GADL1: variants seen among roughly 807,000 people sequenced by gnomAD.
The protein encoded by GADL1 is GAD like acidic amino acid decarboxylase 1, also known as acidic amino acid decarboxylase GADL1.
Under a neutral mutation model 69.5 loss-of-function variants are expected in GADL1, and 71 were observed. The observed-to-expected ratio is 1.02, with a 90% CI of 0.84 to 1.25. GADL1 has a LOEUF of 1.25. Among genes scored for constraint, GADL1 ranks in the 50% most tolerant of loss-of-function variants. GADL1 has a pLI of 0.00. For synonymous variants in GADL1, 254 were observed against 214.4 expected, an observed-to-expected ratio of 1.18 and a Z score of -1.62; for missense variants, 737 against 631.8, an observed-to-expected ratio of 1.17 and a Z score of -1.79.
chr3:30,734,667 G>C (rs189560194), intron 14 of GADL1, among the ~76,000 whole-genome samples: 1 of 152,026 alleles, frequency 6.6e-6, no homozygotes, highest in Non-Finnish European at 1.5e-5. Context: ...TGTATTAAAC[G>C]GATAGTTTCA....
chr3:30,754,282 A>ATGC (rs1453658960), intron 14 of GADL1, among the ~76,000 whole-genome samples: 1 of 152,228 alleles, frequency 6.6e-6, no homozygotes, highest in Non-Finnish European at 1.5e-5. Flanking sequence ...GGAGAACCAC[A>ATGC]TGCAAGCCTT....
At chr3:30,866,324 T>C (rs182000295) in intron 1 of GADL1, among the ~76,000 whole-genome samples, 59 of 152,070 alleles carry the variant, frequency 3.9e-4, no homozygotes, top group Middle Eastern at 6.8e-3. Flanking sequence ...CCAGGCATAG[T>C]GGCACACACC....
chr3:30,893,021 A>T (rs959319861), intron 1 of GADL1, among the ~76,000 whole-genome samples: 1 of 152,038 alleles, frequency 6.6e-6, no homozygotes, highest in African/African-American at 2.4e-5. Flanking sequence ...CGCCCGGCTA[A>T]TTTTTTGTAT....
intron 14 of GADL1, among the ~76,000 whole-genome samples, chr3:30,761,089 C>CAT (rs556139271): frequency 1.3e-5 from 2 of 152,196 alleles, no homozygotes; most frequent in African/African-American, 4.8e-5. Flanking sequence ...TATCGGGTTT[C>CAT]ATATAGGCAT....
intron 11 of GADL1, among the ~76,000 whole-genome samples, chr3:30,805,098 C>CTA (rs1442145575): frequency 6.6e-6 from 1 of 152,202 alleles, no homozygotes; most frequent in Non-Finnish European, 1.5e-5. Flanking sequence ...ATGACCAGAG[C>CTA]TAACATTTAT....
At chr3:30,783,251 T>C (rs1314806015) in intron 13 of GADL1, among the ~76,000 whole-genome samples, 1 of 151,996 alleles carries the variant, frequency 6.6e-6, no homozygotes, top group Non-Finnish European at 1.5e-5. Flanking sequence ...TCCCAAGAGA[T>C]AAAAAATAAA....
intron 1 of GADL1, among the ~76,000 whole-genome samples, chr3:30,891,187 C>T (rs1225288258): frequency 5.9e-5 from 9 of 152,066 alleles, no homozygotes; most frequent in Admixed American, 2.0e-4. Context: ...AAGAGAAGGG[C>T]TGTTATAGAG....
intron 1 of GADL1, among the ~76,000 whole-genome samples, chr3:30,871,647 T>A (rs79592797): frequency 6.6e-6 from 1 of 151,896 alleles, no homozygotes; most frequent in African/African-American, 2.4e-5. Flanking sequence ...AGGGAACATG[T>A]TCCCGTCACC....
intron 14 of GADL1, among the ~76,000 whole-genome samples, chr3:30,762,593 C>T (rs1696164697): frequency 6.6e-6 from 1 of 152,124 alleles, no homozygotes; most frequent in Non-Finnish European, 1.5e-5. Context: ...TATACATTCC[C>T]TCAAGCATTT....
chr3:30,878,975 TTC>T (rs1462305201), intron 1 of GADL1, among the ~76,000 whole-genome samples: 6 of 151,950 alleles, frequency 3.9e-5, no homozygotes, highest in African/African-American at 1.4e-4. Context: ...AGATTTCCAC[TTC>T]TCTGAATACT....
chr3:30,876,309 C>T (rs1459587420), intron 1 of GADL1, among the ~76,000 whole-genome samples: 1 of 151,946 alleles, frequency 6.6e-6, no homozygotes, highest in Non-Finnish European at 1.5e-5. Context: ...GATTGTAACC[C>T]CTATTTTCCA....
At chr3:30,852,480 C>T (rs1698162920) in intron 4 of GADL1, among the ~76,000 whole-genome samples, 1 of 152,112 alleles carries the variant, frequency 6.6e-6, no homozygotes, top group Non-Finnish European at 1.5e-5. Flanking sequence ...CACTGCACTC[C>T]AGTCTGGGCA....
intron 13 of GADL1, among the ~76,000 whole-genome samples, chr3:30,785,024 T>G (rs1401177735): frequency 2.6e-5 from 4 of 152,224 alleles, no homozygotes; most frequent in Non-Finnish European, 4.4e-5. Flanking sequence ...TGTTTATCTT[T>G]ATTCAGGTCT....
At chr3:30,889,041 T>C (rs1312198921) in intron 1 of GADL1, among the ~76,000 whole-genome samples, 1 of 139,608 alleles carries the variant, frequency 7.2e-6, no homozygotes, top group East Asian at 2.2e-4. Context: ...TATTAGTACA[T>C]TTTCATACTG....
At chr3:30,774,953 G>A (rs936685174) in intron 14 of GADL1, among the ~76,000 whole-genome samples, 2 of 152,064 alleles carry the variant, frequency 1.3e-5, no homozygotes, top group African/African-American at 4.8e-5. Flanking sequence ...GATGGCAGGA[G>A]GCAGAGAGAC....
intron 14 of GADL1, among the ~76,000 whole-genome samples, chr3:30,776,543 C>T (rs1433690219): frequency 6.6e-6 from 1 of 152,222 alleles, no homozygotes; most frequent in African/African-American, 2.4e-5. Flanking sequence ...TAACACCATC[C>T]ATCTCTCCAC....
rs575109512 is a variant in GADL1, at chr3:30,796,302, C to G, written c.1250+4587G>C. Among the ~76,000 whole-genome samples the G allele has an allele frequency of 1.6e-3, 243 of 152,196 alleles. 2 individuals are homozygous for G. Among genetic ancestry groups the G allele is most frequent in the African/African-American group, 5.7e-3 (235 of 41,544 alleles). On this transcript the variant is annotated intron_variant, in intron 12 of 14. Transcript: ENST00000282538. ...CAGCTATAAATAATTTATGGTAGAC[C>G]GTAGACTGTCTTGTTTTTTCACCAC... is the stretch of plus-strand genomic sequence containing the variant.
At chr3:30,840,136 C>T (rs1355202344) in intron 8 of GADL1, among the ~76,000 whole-genome samples, 1 of 152,034 alleles carries the variant, frequency 6.6e-6, no homozygotes, top group East Asian at 1.9e-4. Flanking sequence ...CTCCATTTAG[C>T]ATGGAGCCAT....
At chr3:30,790,420 G>A (rs541889092) in intron 12 of GADL1, among the ~76,000 whole-genome samples, 3 of 152,224 alleles carry the variant, frequency 2.0e-5, no homozygotes, top group Non-Finnish European at 2.9e-5. Flanking sequence ...ACATGCTGTT[G>A]GGAAAATGGC....
Sources: allele counts gnomAD v4.1 joint callset (sites outside exome capture counted in the v4.1 genomes callset), GRCh38; gene constraint gnomAD v4.1.1; transcripts MANE v1.5; gene names NCBI Gene and HGNC (gene_info 2026-07-23, HGNC 2026-07-21).